Variants in NCALD observed in about 807,000 individuals in gnomAD.
NCALD encodes neurocalcin delta.
In NCALD, 10 loss-of-function variants were observed where a neutral mutation model predicts 18.6. The ratio of observed to expected loss-of-function variants is 0.54; its 90% CI spans 0.33 to 0.91. The LOEUF is 0.91. NCALD is among the 40% of genes least tolerant of loss of function. The pLI is 0.03. For synonymous variants in NCALD, 88 were observed against 87.4 expected, an observed-to-expected ratio of 1.01 and a Z score of -0.04; for missense variants, 184 against 247.6, an observed-to-expected ratio of 0.74 and a Z score of 1.72.
chr8:101,900,790 T>C (rs1351988789), intron 3 of NCALD, among the ~76,000 whole-genome samples: 1 of 152,000 alleles, frequency 6.6e-6, no homozygotes, highest in African/African-American at 2.4e-5. Flanking sequence ...TTGGTATACA[T>C]TTTGTTAGTC....
chr8:101,695,627 C>T (rs1011515146), intron 2 of NCALD, among the ~76,000 whole-genome samples: 1 of 152,134 alleles, frequency 6.6e-6, no homozygotes, highest in Non-Finnish European at 1.5e-5. Flanking sequence ...CTCCAGGAAG[C>T]CTTCCATCAT....
At chr8:101,858,247 A>C (rs1815399133) in intron 4 of NCALD, among the ~76,000 whole-genome samples, 1 of 152,200 alleles carries the variant, frequency 6.6e-6, no homozygotes. Flanking sequence ...GCAGTTTCAC[A>C]CGTCATTGGA....
chr8:102,076,421 C>T (rs139112560), intron 1 of NCALD, among the ~76,000 whole-genome samples: 1,692 of 152,170 alleles, frequency 0.011, 16 homozygotes, highest in Non-Finnish European at 0.017. Flanking sequence ...CAGAAAGCCT[C>T]CCTAAAAATA....
chr8:101,966,395 C>T (rs1358869066), intron 2 of NCALD, among the ~76,000 whole-genome samples: 1 of 149,678 alleles, frequency 6.7e-6, no homozygotes, highest in Admixed American at 6.7e-5. Flanking sequence ...AAAAACCAAA[C>T]ACCACATGTT....
intron 1 of NCALD, among the ~76,000 whole-genome samples, chr8:101,768,634 G>A (rs1349285973): frequency 3.3e-5 from 5 of 151,860 alleles, no homozygotes; most frequent in South Asian, 2.1e-4. Context: ...GCTTGAACCC[G>A]GGAGGCGGAA....
intron 3 of NCALD, chr8:101,691,075 A>G (rs1814707551): frequency 3.0e-6 from 3 of 985,278 alleles, no homozygotes; most frequent in African/African-American, 1.7e-5. Context: ...ATCTAAGGGT[A>G]GGAGACTCTA....
At chr8:102,067,448 A>AACACACAC (rs59878811) in intron 1 of NCALD, among the ~76,000 whole-genome samples, 2 of 150,786 alleles carry the variant, frequency 1.3e-5, no homozygotes, top group African/African-American at 2.4e-5. Flanking sequence ...TCTTGTCCCA[A>AACACACAC]ACACACACAC....
At chr8:102,084,275 C>T (rs930081809) in intron 1 of NCALD, among the ~76,000 whole-genome samples, 1 of 152,146 alleles carries the variant, frequency 6.6e-6, no homozygotes, top group Admixed American at 6.6e-5. Context: ...GGTTAATGGC[C>T]GCGAATCTGT....
chr8:101,914,663 C>T (rs1380044003), intron 3 of NCALD, among the ~76,000 whole-genome samples: 2 of 152,336 alleles, frequency 1.3e-5, no homozygotes, highest in East Asian at 3.9e-4. Context: ...CTAATTCTAA[C>T]TTCCTTTCTT....
chr8:101,955,696 A>C (rs912623649), intron 2 of NCALD, among the ~76,000 whole-genome samples: 9 of 152,206 alleles, frequency 5.9e-5, no homozygotes, highest in African/African-American at 2.2e-4. Context: ...TACAATAAGG[A>C]GGGGAGAAAT....
chr8:101,793,454 G>C (rs1812524061), upstream of NCALD, among the ~76,000 whole-genome samples: 1 of 152,004 alleles, frequency 6.6e-6, no homozygotes, highest in Admixed American at 6.6e-5. Context: ...TGAAGAGAGA[G>C]ATTAAGTAAT....
chr8:101,976,691 C>T (rs1199388638), intron 2 of NCALD, among the ~76,000 whole-genome samples: 1 of 152,172 alleles, frequency 6.6e-6, no homozygotes, highest in East Asian at 1.9e-4. Context: ...TAAACATTAT[C>T]TATTATTCAA....
At chr8:101,714,455 AAGG>A (rs759689460) in intron 2 of NCALD, among the ~76,000 whole-genome samples, 3 of 152,210 alleles carry the variant, frequency 2.0e-5, no homozygotes, top group Non-Finnish European at 2.9e-5. Flanking sequence ...GGACCTCTTC[AAGG>A]AGAACTACAA....
chr8:102,007,929 C>T (rs539753928), intron 2 of NCALD, among the ~76,000 whole-genome samples: 8 of 152,268 alleles, frequency 5.3e-5, no homozygotes, highest in African/African-American at 1.4e-4. Flanking sequence ...TTTTCAGTTT[C>T]TTTTGTGCTT....
At chr8:101,776,330 A>G (rs2130925211) in intron 1 of NCALD, among the ~76,000 whole-genome samples, 1 of 152,308 alleles carries the variant, frequency 6.6e-6, no homozygotes, top group African/African-American at 2.4e-5. Context: ...TGTGTCATTC[A>G]TTCTTTCACT....
rs1434146767 is a variant in NCALD at position 101,894,028 on chromosome 8, C to G, written c.-106-6801G>C. 2.7e-5 allele frequency among the ~76,000 whole-genome samples: 4 copies of G among 147,696 alleles called. 1 individual carries two copies. Among genetic ancestry groups the G allele is most frequent in the African/African-American group, 8.0e-5 (3 of 37,646 alleles). On this transcript the variant is annotated intron_variant, in intron 3 of 6. Transcript: ENST00000311028. ...ACCAAGTGGACCTAATAGACATCTA[C>G]AGAACTCTCCACCCCAAATCAACAG... is the stretch of plus-strand genomic sequence containing the variant.
chr8:101,690,806 C>T (rs1433222644), intron 3 of NCALD: 2 of 985,278 alleles, frequency 2.0e-6, no homozygotes, highest in East Asian at 1.1e-4. Context: ...GTAATGACTT[C>T]CTCCAGCTTG....
chr8:102,034,857 A>G (rs1822804828), intron 1 of NCALD, among the ~76,000 whole-genome samples: 1 of 152,174 alleles, frequency 6.6e-6, no homozygotes, highest in South Asian at 2.1e-4. Flanking sequence ...ACCTCATAGT[A>G]GGCACATTTA....
intron 2 of NCALD, among the ~76,000 whole-genome samples, chr8:101,937,061 GCTTT>G (rs1421282880): frequency 6.6e-6 from 1 of 152,132 alleles, no homozygotes; most frequent in Non-Finnish European, 1.5e-5. Flanking sequence ...TGACTAGCAA[GCTTT>G]CTATGTTTTC....
Sources: allele counts gnomAD v4.1 joint callset (sites outside exome capture counted in the v4.1 genomes callset), GRCh38; gene constraint gnomAD v4.1.1; transcripts MANE v1.5; gene names NCBI Gene and HGNC (gene_info 2026-07-23, HGNC 2026-07-21).